MINAR1: variants seen among roughly 807,000 people sequenced by gnomAD.
The protein encoded by MINAR1 is major intrinsically disordered Notch2-binding receptor 1.
Under a neutral mutation model 65.1 loss-of-function variants are expected in MINAR1, and 40 were observed. The ratio of observed to expected loss-of-function variants is 0.61; its 90% CI spans 0.48 to 0.80. The LOEUF is 0.80. Ranked by LOEUF, MINAR1 falls within the 30% of genes least tolerant of loss-of-function variation. The probability of loss-of-function intolerance (pLI) is 0.00; values close to 1 mark genes in which losing one functional copy is unlikely to be tolerated. For missense variants in MINAR1, 1,128 were observed against 1,148.0 expected (o/e 0.98, Z 0.25); for synonymous variants, 482 against 449.1 (o/e 1.07, Z -0.93).
Position 79,468,451 on chromosome 15 carries a change from C to T in MINAR1, c.*67C>T. Reference sequence around the variant, plus strand: ...TCGTCGTCTGTATCTTAGAATCTTGCAGCAGTGAGGCAACAATTTGTTGAA... The same window carrying T: ...TCGTCGTCTGTATCTTAGAATCTTGTAGCAGTGAGGCAACAATTTGTTGAA... On this transcript the variant is annotated 3_prime_UTR_variant, in exon 4 of 4. Transcript: ENST00000305428. 7.1e-7 allele frequency: 1 copy of T among 1,400,756 alleles called. No homozygotes were observed. Among genetic ancestry groups the T allele is most frequent in the Non-Finnish European group, 9.8e-7 (1 of 1,015,440 alleles). The allele number at this position is 1,400,756 out of a possible 1,614,324, so 86.8% of individuals were successfully genotyped here. A position where few individuals can be genotyped will look rare whatever the true frequency, so the allele number is the denominator to read the frequency against.
chr15:79,449,471 G>A (rs1895122555), intron 1 of MINAR1, among the ~76,000 whole-genome samples: 1 of 152,200 alleles, frequency 6.6e-6, no homozygotes, highest in African/African-American at 2.4e-5. Context: ...GCCAGTTTCT[G>A]ATGTATCTGG....
At position 79,456,422 on chromosome 15, in the gene MINAR1, A is replaced by G; in HGVS notation, c.275A>G (p.Asn92Ser). Residue 92 changes from asparagine to serine, a missense_variant, in exon 2 of 4, where the codon AAC (asparagine) becomes AGC (serine). Asn to Ser is a conservative substitution (Grantham distance 46, BLOSUM62 1). Transcript: ENST00000305428. ...GCAGCAGATATTGTGACGATATTCA[A>G]CCTGATCCAAATGAATGGCGGGGCT... ...MVAADIVTIF[N>S]LIQMNGGAAK... 1 of 1,614,206 alleles carries G rather than the reference A, an allele frequency of 6.2e-7. No homozygotes were observed. Among genetic ancestry groups the G allele is most frequent in the Non-Finnish European group, 8.5e-7 (1 of 1,180,050 alleles).
Position 79,458,356 on chromosome 15 carries a change from A to T in MINAR1, c.2209A>T (p.Thr737Ser). The T allele has an allele frequency of 6.2e-7, 1 of 1,614,216 alleles. No individual in the cohort carries two copies. Among genetic ancestry groups the T allele is most frequent in the Non-Finnish European group, 8.5e-7 (1 of 1,180,042 alleles). Reference sequence around the variant, plus strand: ...CTCGCCCAGAGACTGGCGCACCATCACTTATACCAACCGTGTGGGCCTCAA... The same window carrying T: ...CTCGCCCAGAGACTGGCGCACCATCTCTTATACCAACCGTGTGGGCCTCAA... ...SNSPRDWRTITYTNRVGLNEE... is the reference protein window; with the variant it reads ...SNSPRDWRTISYTNRVGLNEE... Residue 737 changes from threonine to serine, a missense_variant, in exon 2 of 4, where the codon ACT (threonine) becomes TCT (serine). Coordinates refer to ENST00000305428, the MANE Select transcript of MINAR1 (RefSeq NM_015206.3).
At chr15:79,428,704 A>G (rs1220208430), upstream of MINAR1, among the ~76,000 whole-genome samples, 7 of 152,188 alleles carry the variant, frequency 4.6e-5, no homozygotes, top group East Asian at 9.6e-4. Context: ...TTAAGAAACT[A>G]TCTCAAGTTT....
At chr15:79,416,120 C>T in the MINAR1 span, 2 of 152,186 alleles carry the variant, frequency 1.3e-5, no homozygotes, top group Admixed American at 6.5e-5. Flanking sequence ...TTTTAGTGGT[C>T]GAGGAACACA....
At chr15:79,446,145 T>C (rs1488840708) in intron 1 of MINAR1, among the ~76,000 whole-genome samples, 1 of 152,186 alleles carries the variant, frequency 6.6e-6, no homozygotes, top group Admixed American at 6.5e-5. Context: ...AGATTCTTCC[T>C]GCTCTTTTAA....
At chr15:79,442,244 A>G (rs779996952) in intron 1 of MINAR1, among the ~76,000 whole-genome samples, 2 of 152,076 alleles carry the variant, frequency 1.3e-5, no homozygotes, top group Non-Finnish European at 2.9e-5. Flanking sequence ...ACTTTTGTCA[A>G]TGGCAAGAAG....
chr15:79,452,433 AGTCT>A (rs1165536910), intron 1 of MINAR1, among the ~76,000 whole-genome samples: 2 of 144,596 alleles, frequency 1.4e-5, no homozygotes, highest in Non-Finnish European at 3.1e-5. Context: ...TGTGTGGGTG[AGTCT>A]GTGTGAGTGT....
chr15:79,456,723 G>T lies in MINAR1; in HGVS notation c.576G>T (p.Leu192=). Residue 192 remains leucine (L), a synonymous_variant, in exon 2 of 4, where the codon CTG becomes CTT. Coordinates refer to ENST00000305428, the MANE Select transcript of MINAR1 (RefSeq NM_015206.3). The part of the protein sequence containing the change: ...SKEVKNRAAS[L]DRLQALAPYS... ...AGGTGAAAAACCGCGCCGCTTCCCT[G>T]GACAGGTTGCAGGCCCTGGCTCCGT... The T allele has an allele frequency of 6.2e-7, 1 of 1,614,158 alleles. No homozygotes were observed. The highest frequency in any genetic ancestry group is 2.2e-5 in the East Asian group (1 of 44,872).
chr15:79,413,801 A>C, the MINAR1 span: 5 of 152,236 alleles, frequency 3.3e-5, no homozygotes, highest in Non-Finnish European at 5.9e-5. Context: ...CCTCGTCATG[A>C]CTGTGCTAAG....
the MINAR1 span, chr15:79,425,515 G>C: frequency 5.3e-5 from 8 of 152,330 alleles, no homozygotes; most frequent in South Asian, 1.7e-3. Flanking sequence ...CTCAAACCAT[G>C]GACAAAGCTC....
intron 2 of MINAR1, among the ~76,000 whole-genome samples, chr15:79,458,836 G>T (rs1174398579): frequency 6.6e-6 from 1 of 152,192 alleles, no homozygotes; most frequent in Admixed American, 6.5e-5. Flanking sequence ...ATACTGAAAA[G>T]GTGCTGGCTG....
the MINAR1 span, chr15:79,415,144 G>A: frequency 1.3e-5 from 2 of 152,244 alleles, no homozygotes; most frequent in East Asian, 3.9e-4. Flanking sequence ...AGCCCTACAG[G>A]CCTCCAGGGT....
At chr15:79,462,787 G>A (rs1895695234) in intron 2 of MINAR1, among the ~76,000 whole-genome samples, 1 of 152,172 alleles carries the variant, frequency 6.6e-6, no homozygotes, top group Non-Finnish European at 1.5e-5. Flanking sequence ...TTTCCTACCT[G>A]TACAATGGGG....
Position 79,457,450 on chromosome 15 carries a change from C to A in MINAR1, c.1303C>A (p.Leu435Ile). The change falls in exon 2 of 4, where the codon CTC (leucine) becomes ATC (isoleucine). Residue 435 changes from leucine to isoleucine, a missense_variant. Leu to Ile is a conservative substitution (Grantham distance 5). Transcript: ENST00000305428. ...TGCTTATGCGGCAAAACAAAATGGG[C>A]TCAAATCTAAAGAGATCTCATCCCC... Reference protein sequence around the residue: ...PIAYAAKQNGLKSKEISSPVD... With the variant: ...PIAYAAKQNGIKSKEISSPVD... 1 of 1,614,144 alleles carries A rather than the reference C, an allele frequency of 6.2e-7. No individual in the cohort carries two copies. The highest frequency in any genetic ancestry group is 8.5e-7 in the Non-Finnish European group (1 of 1,180,018).
chr15:79,439,721 G>A (rs1024207545), intron 1 of MINAR1, among the ~76,000 whole-genome samples: 3 of 151,868 alleles, frequency 2.0e-5, no homozygotes, highest in Non-Finnish European at 1.5e-5. Flanking sequence ...CTCATTTATA[G>A]TTTTGTCCTG....
In MINAR1 at chr15:79,468,179, GC is replaced by G. The variant is rs748090835; in HGVS notation, c.2554-7del. On this transcript the variant is annotated splice_region_variant and splice_polypyrimidine_tract_variant and intron_variant, in intron 3 of 3. Coordinates refer to ENST00000305428, the MANE Select transcript of MINAR1 (RefSeq NM_015206.3). ...ACTGTATTTCTAACATCTTCTCTTC[GC>G]TTTTAGACGCAAGAATCTTTAAACC... 82 of 1,610,054 alleles carry G rather than the reference GC, an allele frequency of 5.1e-5. 1 individual carries two copies. In the South Asian group the frequency reaches 9.0e-4, roughly 18 times the overall value.
chr15:79,440,012 A>C (rs1345513790), intron 1 of MINAR1, among the ~76,000 whole-genome samples: 2 of 152,168 alleles, frequency 1.3e-5, no homozygotes, highest in Non-Finnish European at 1.5e-5. Context: ...GGAAGGAGAC[A>C]CAATGTGAGA....
Position 79,457,749 on chromosome 15 carries a change from G to A in MINAR1, c.1602G>A (p.Thr534=), listed in dbSNP as rs373608287. Residue 534 remains threonine, a synonymous_variant, in exon 2 of 4, where the codon ACG becomes ACA. Coordinates refer to ENST00000305428, the MANE Select transcript of MINAR1 (RefSeq NM_015206.3). The part of the protein sequence containing the change: ...FLDDMSISGS[T]GVIQSSCYNS... ...ATGACATGAGCATCAGTGGCTCCACGGGAGTGATACAGTCGTCCTGCTACA... is the reference window on the plus strand; with the variant it reads ...ATGACATGAGCATCAGTGGCTCCACAGGAGTGATACAGTCGTCCTGCTACA... 8 of 1,614,044 alleles carry A rather than the reference G, an allele frequency of 5.0e-6. No homozygotes were observed. Among genetic ancestry groups the A allele is most frequent in the Non-Finnish European group, 5.9e-6 (7 of 1,180,032 alleles).
Sources: gnomAD v4.1 joint callset for allele counts (sites outside exome capture counted in the v4.1 genomes callset) on GRCh38, gnomAD v4.1.1 for gene constraint, MANE v1.5 for transcripts, NCBI Gene and HGNC (gene_info 2026-07-23, HGNC 2026-07-21) for gene names.